The following CCDC85C variants were observed in gnomAD, a reference collection of about 807,000 sequenced individuals.
The protein encoded by CCDC85C is coiled-coil domain containing 85C.
CCDC85C carries 18 observed loss-of-function variants against 38.3 expected under a neutral mutation model. The ratio of observed to expected loss-of-function variants is 0.47; its 90% CI spans 0.33 to 0.70. The LOEUF (loss-of-function observed/expected upper bound fraction) is 0.70. Among genes scored for constraint, CCDC85C ranks in the 30% least tolerant of loss-of-function variants. The probability of loss-of-function intolerance (pLI) is 0.03; values close to 1 mark genes in which losing one functional copy is unlikely to be tolerated. For missense variants in CCDC85C, 566 were observed against 621.2 expected (o/e 0.91, Z 0.94); for synonymous variants, 264 against 293.8 (o/e 0.90, Z 1.04).
At chr14:99,564,953 C>A (rs550126027) in intron 1 of CCDC85C, among the ~76,000 whole-genome samples, 1 of 152,308 alleles carries the variant, frequency 6.6e-6, no homozygotes, top group Non-Finnish European at 1.5e-5. Flanking sequence ...CCAGAAGGTG[C>A]GGGATCTGCG....
At chr14:99,578,515 CTG>C (rs76197773) in intron 1 of CCDC85C, among the ~76,000 whole-genome samples, 1 of 151,778 alleles carries the variant, frequency 6.6e-6, no homozygotes, top group Non-Finnish European at 1.5e-5. Context: ...ACTCCCATCA[CTG>C]TGTGTGTGTG....
chr14:99,597,995 C>T (rs183694478), intron 1 of CCDC85C, among the ~76,000 whole-genome samples: 35 of 152,354 alleles, frequency 2.3e-4, no homozygotes, highest in East Asian at 1.5e-3. Context: ...TAAGCTGCCA[C>T]GGCCATAAAG....
rs1382746793 is a variant in CCDC85C, at chr14:99,572,685, G to C, written c.793+30482C>G. ...GGCCCCTCCTTAAGAGGCCTCCCCT[G>C]CCACCATCTGTTTTCTGCTCTTCCT... On this transcript the variant is annotated intron_variant, in intron 1 of 5. Transcript: ENST00000380243. This position sits in a 1 kb window ranked among gnomAD's most constrained non-coding sequence, Gnocchi z 4.4. 2.2e-6 allele frequency: 1 copy of C among 455,976 alleles called. No homozygotes were observed. The highest frequency in any genetic ancestry group is 4.4e-6 in the Non-Finnish European group (1 of 226,746). 28.2% of individuals were successfully genotyped at this position (455,976 alleles called of 1,614,324 possible).
intron 3 of CCDC85C, among the ~76,000 whole-genome samples, chr14:99,518,693 C>T (rs879367467): frequency 2.4e-4 from 36 of 152,146 alleles, no homozygotes; most frequent in Non-Finnish European, 4.1e-4. Flanking sequence ...GCCAGCCGGC[C>T]CCTGGCACCT....
At chr14:99,528,270 G>T (rs1185564568) in intron 2 of CCDC85C, among the ~76,000 whole-genome samples, 1 of 152,158 alleles carries the variant, frequency 6.6e-6, no homozygotes, top group Non-Finnish European at 1.5e-5. Flanking sequence ...GAAGGAAGGA[G>T]AACAGTGTCA....
In CCDC85C at chr14:99,502,709, T is replaced by C. The variant is rs1278684513; in HGVS notation, c.*12537A>G. 1 of 1,609,492 alleles carries C rather than the reference T, an allele frequency of 6.2e-7. No homozygotes were observed. ...ATTTGTGTAAAATGTAATTGTTGGC[T>C]ATCATTTAGACATCTGCCACCAAAT... is the stretch of plus-strand genomic sequence containing the variant. On this transcript the variant is annotated 3_prime_UTR_variant, in exon 6 of 6. Transcript: ENST00000380243.
chr14:99,577,878 C>T (rs1898522412), intron 1 of CCDC85C, among the ~76,000 whole-genome samples: 1 of 129,332 alleles, frequency 7.7e-6, no homozygotes, highest in Admixed American at 8.1e-5. Flanking sequence ...TGCGTGTGCA[C>T]ATCTCCACAC....
At chr14:99,582,069 C>T (rs2054977631) in intron 1 of CCDC85C, among the ~76,000 whole-genome samples, 1 of 152,160 alleles carries the variant, frequency 6.6e-6, no homozygotes, top group African/African-American at 2.4e-5. Flanking sequence ...ACACACATCC[C>T]CATGTTCACT....
At chr14:99,602,637 C>T (rs2055212598) in intron 1 of CCDC85C, among the ~76,000 whole-genome samples, 1 of 152,178 alleles carries the variant, frequency 6.6e-6, no homozygotes, top group Non-Finnish European at 1.5e-5. Flanking sequence ...AGGCCTCTCC[C>T]CAACTGCCTC....
chr14:99,566,600 C>T (rs931550259), intron 1 of CCDC85C, among the ~76,000 whole-genome samples: 6 of 152,184 alleles, frequency 3.9e-5, no homozygotes, highest in African/African-American at 1.4e-4. Flanking sequence ...TGCCTGGCCC[C>T]ATGAACTCTG....
Position 99,536,002 on chromosome 14 carries a change from G to A in CCDC85C, c.867+13C>T, listed in dbSNP as rs763661268. On this transcript the variant is annotated intron_variant, in intron 2 of 5. Coordinates refer to ENST00000380243, the MANE Select transcript of CCDC85C (RefSeq NM_001144995.2). The stretch of plus-strand genomic sequence containing the variant: ...CGCGGTCCTCAAGGCAGCGCCACCC[G>A]AAGCCGGCCTACCTGTGCGAGGAGC... 1.4e-5 allele frequency: 21 copies of A among 1,550,276 alleles called. No individual in the cohort carries two copies. The highest frequency in any genetic ancestry group is 8.3e-5 in the South Asian group (7 of 84,040).
At position 99,503,680 on chromosome 14, in the gene CCDC85C, T is replaced by G; in HGVS notation, c.*11566A>C. The G allele has an allele frequency of 6.6e-7, 1 of 1,516,950 alleles. No homozygotes were observed. The allele number at this position is 1,516,950 out of a possible 1,614,324, so 94.0% of individuals were successfully genotyped here. On this transcript the variant is annotated 3_prime_UTR_variant, in exon 6 of 6. Coordinates refer to ENST00000380243, the MANE Select transcript of CCDC85C (RefSeq NM_001144995.2). ...GTTCTGATGTTTTTTTAGTTTTATG[T>G]GTTTATATGCAAAACTTTAAATTCT...
Position 99,507,064 on chromosome 14 carries a change from TTTTC to T in CCDC85C, c.*8178_*8181del. 2 of 1,578,388 alleles carry T rather than the reference TTTTC, an allele frequency of 1.3e-6. No individual in the cohort carries two copies. The highest frequency in any genetic ancestry group is 1.7e-6 in the Non-Finnish European group (2 of 1,147,440). ...AGTATGAGTGGTTTTCTAATCTGCT[TTTTC>T]TTTGTAGAACCACCACCACCTAAAA... On this transcript the variant is annotated 3_prime_UTR_variant, in exon 6 of 6. Transcript: ENST00000380243.
rs1190585614 is a variant in CCDC85C at position 99,505,326 on chromosome 14, T to C, written c.*9920A>G. 1 of 152,232 alleles carries C rather than the reference T, an allele frequency of 6.6e-6. No homozygotes were observed. The highest frequency in any genetic ancestry group is 2.4e-5 in the African/African-American group (1 of 41,454). The allele number at this position is 152,232 out of a possible 1,614,324, so 9.4% of individuals were successfully genotyped here. A position where few individuals can be genotyped will look rare whatever the true frequency, so the allele number is the denominator to read the frequency against. ...AGAGGAACTCAGCTGCACTGTGCCA[T>C]GCCGAAGGCTACTGGCTGCAGAGGG... On this transcript the variant is annotated 3_prime_UTR_variant, in exon 6 of 6. Coordinates refer to ENST00000380243, the MANE Select transcript of CCDC85C (RefSeq NM_001144995.2).
chr14:99,568,246 CTTTATT>C (rs1274888368), intron 1 of CCDC85C, among the ~76,000 whole-genome samples: 1 of 114,488 alleles, frequency 8.7e-6, no homozygotes, highest in Non-Finnish European at 1.7e-5. Flanking sequence ...GCCACCTGCC[CTTTATT>C]TTTTTTTTTT....
intron 1 of CCDC85C, among the ~76,000 whole-genome samples, chr14:99,567,752 G>A (rs1042382449): frequency 6.6e-6 from 1 of 152,200 alleles, no homozygotes; most frequent in Admixed American, 6.5e-5. Flanking sequence ...TTGAACTTGG[G>A]AGGAGGAGCT....
At chr14:99,534,795 A>T in intron 2 of CCDC85C, 1 of 694,898 alleles carries the variant, frequency 1.4e-6, no homozygotes. Context: ...CTGGGAAGCC[A>T]GCACGGCCTG....
At chr14:99,546,866 T>C (rs1294838394) in intron 1 of CCDC85C, among the ~76,000 whole-genome samples, 1 of 152,080 alleles carries the variant, frequency 6.6e-6, no homozygotes, top group Non-Finnish European at 1.5e-5. Context: ...GTCAGAGAGT[T>C]CTATGTGAAA....
chr14:99,531,930 C>T (rs1313962345), intron 2 of CCDC85C, among the ~76,000 whole-genome samples: 1 of 152,242 alleles, frequency 6.6e-6, no homozygotes, highest in Non-Finnish European at 1.5e-5. Flanking sequence ...TCACTACCTG[C>T]TGAAGCCCTC....
Sources: allele counts gnomAD v4.1 joint callset (sites outside exome capture counted in the v4.1 genomes callset), GRCh38; gene constraint gnomAD v4.1.1; non-coding constraint Gnocchi (gnomAD v3.1); transcripts MANE v1.5; gene names NCBI Gene and HGNC (gene_info 2026-07-23, HGNC 2026-07-21).